The following SLIT2 variants were observed in gnomAD, a reference collection of about 807,000 sequenced individuals.
SLIT2 encodes the protein slit guidance ligand 2.
In SLIT2, 41 loss-of-function variants were observed where a neutral mutation model predicts 185.7. That is an observed-to-expected ratio of 0.22 (90% CI 0.17 to 0.29). The LOEUF is 0.29. SLIT2 is among the 10% of genes least tolerant of loss of function. The pLI is 1.00. For missense variants in SLIT2, 1,571 were observed against 1,909.0 expected, an observed-to-expected ratio of 0.82 and a Z score of 3.30; for synonymous variants, 693 against 680.2, an observed-to-expected ratio of 1.02 and a Z score of -0.29.
intron 26 of SLIT2, among the ~76,000 whole-genome samples, chr4:20,562,849 T>C (rs1289731668): frequency 6.6e-6 from 1 of 151,730 alleles, no homozygotes; most frequent in Non-Finnish European, 1.5e-5. Flanking sequence ...ACCTCTGGCT[T>C]GATAGAAGGG....
At chr4:20,544,209 A>G (rs1234873668) in intron 21 of SLIT2, among the ~76,000 whole-genome samples, 3 of 152,182 alleles carry the variant, frequency 2.0e-5, no homozygotes, top group African/African-American at 7.2e-5. Context: ...TAGTTAAAAT[A>G]AAAAATAAAA....
At chr4:20,382,988 T>A (rs947478902) in intron 4 of SLIT2, among the ~76,000 whole-genome samples, 1 of 152,056 alleles carries the variant, frequency 6.6e-6, no homozygotes, top group Non-Finnish European at 1.5e-5. Flanking sequence ...AAGAAATAGC[T>A]CATATATAAC....
chr4:20,518,257 T>TATATA (rs1560494593), intron 11 of SLIT2, among the ~76,000 whole-genome samples: 1 of 68,188 alleles, frequency 1.5e-5, no homozygotes, highest in African/African-American at 4.5e-5. Flanking sequence ...ATATATATAT[T>TATATA]TTTTTTTTTT....
At chr4:20,442,559 G>A (rs953264099) in intron 4 of SLIT2, among the ~76,000 whole-genome samples, 6 of 150,078 alleles carry the variant, frequency 4.0e-5, no homozygotes, top group Non-Finnish European at 7.4e-5. Context: ...GGGAGGGACC[G>A]ATTTTATGAA....
intron 4 of SLIT2, among the ~76,000 whole-genome samples, chr4:20,436,664 T>C (rs1235761978): frequency 1.3e-5 from 2 of 152,318 alleles, no homozygotes; most frequent in East Asian, 3.9e-4. Context: ...GATTTGTAAA[T>C]AAAGTTAAAT....
intron 4 of SLIT2, among the ~76,000 whole-genome samples, chr4:20,354,559 A>G (rs761717991): frequency 1.3e-5 from 2 of 152,226 alleles, no homozygotes; most frequent in Non-Finnish European, 2.9e-5. Flanking sequence ...GTTTTAAACA[A>G]AAATATATAA....
intron 9 of SLIT2, among the ~76,000 whole-genome samples, chr4:20,506,876 T>C (rs901413482): frequency 1.3e-5 from 2 of 152,028 alleles, no homozygotes; most frequent in Non-Finnish European, 2.9e-5. Context: ...AATGAACTGC[T>C]GAGACAGTGC....
intron 4 of SLIT2, among the ~76,000 whole-genome samples, chr4:20,329,517 A>G (rs1260124452): frequency 6.6e-6 from 1 of 152,060 alleles, no homozygotes; most frequent in Non-Finnish European, 1.5e-5. Context: ...AGAAGTCTTC[A>G]CAAAGAAGGT....
chr4:20,420,336 G>T (rs1728077409), intron 4 of SLIT2, among the ~76,000 whole-genome samples: 1 of 152,160 alleles, frequency 6.6e-6, no homozygotes, highest in Non-Finnish European at 1.5e-5. Context: ...TGTACTTACA[G>T]AAGCACTCAC....
At chr4:20,303,380 A>G (rs1717241910) in intron 4 of SLIT2, among the ~76,000 whole-genome samples, 1 of 151,746 alleles carries the variant, frequency 6.6e-6, no homozygotes, top group Non-Finnish European at 1.5e-5. Context: ...TTTATTTATT[A>G]GCTTCCATTT....
chr4:20,416,639 G>T (rs1727711233), intron 4 of SLIT2, among the ~76,000 whole-genome samples: 1 of 152,018 alleles, frequency 6.6e-6, no homozygotes, highest in African/African-American at 2.4e-5. Context: ...CATGTTAGAT[G>T]ATTATTTGTT....
intron 4 of SLIT2, among the ~76,000 whole-genome samples, chr4:20,355,414 GA>G (rs1052385162): frequency 4.6e-5 from 7 of 151,590 alleles, no homozygotes; most frequent in African/African-American, 7.3e-5. Context: ...CATGTAATGA[GA>G]AAAAAAACAT....
intron 5 of SLIT2, 140 bp from the exon 6 acceptor site, chr4:20,480,576 T>C: frequency 1.7e-6 from 1 of 596,236 alleles, no homozygotes. Context: ...GCTTATGACA[T>C]TCGTAAGCAG....
At chr4:20,353,452 G>A (rs887075902) in intron 4 of SLIT2, among the ~76,000 whole-genome samples, 2 of 152,002 alleles carry the variant, frequency 1.3e-5, no homozygotes, top group African/African-American at 4.8e-5. Flanking sequence ...ATCCAGACAT[G>A]TTACACAAAT....
chr4:20,436,117 G>T (rs1729328119), intron 4 of SLIT2, among the ~76,000 whole-genome samples: 1 of 152,128 alleles, frequency 6.6e-6, no homozygotes, highest in African/African-American at 2.4e-5. Context: ...ACATCCAAAA[G>T]ACAAAAGTCC....
At chr4:20,600,326 G>A (rs115795918) in intron 33 of SLIT2, among the ~76,000 whole-genome samples, 1,698 of 140,522 alleles carry the variant, frequency 0.012, 37 homozygotes, top group African/African-American at 0.041. Context: ...ACCATAACGA[G>A]TTTGTTTGAG....
chr4:20,415,217 C>T (rs984664517), intron 4 of SLIT2, among the ~76,000 whole-genome samples: 5 of 152,106 alleles, frequency 3.3e-5, no homozygotes, highest in African/African-American at 1.2e-4. Context: ...AGAGACCATC[C>T]TGGCTAACAC....
At chr4:20,487,657 C>T (rs3756146) in intron 7 of SLIT2, among the ~76,000 whole-genome samples, 2,001 of 152,208 alleles carry the variant, frequency 0.013, 27 homozygotes, top group South Asian at 0.072. Flanking sequence ...CCAAGCAAAC[C>T]GAGCAAGAGG....
intron 4 of SLIT2, among the ~76,000 whole-genome samples, chr4:20,376,670 A>G (rs1724048828): frequency 6.6e-6 from 1 of 152,154 alleles, no homozygotes; most frequent in Admixed American, 6.6e-5. Flanking sequence ...CTCTGTAAGA[A>G]GAGGGAGTAT....
Sources: allele counts gnomAD v4.1 joint callset (sites outside exome capture counted in the v4.1 genomes callset), GRCh38; gene constraint gnomAD v4.1.1; transcripts MANE v1.5; gene names NCBI Gene and HGNC (gene_info 2026-07-23, HGNC 2026-07-21).